The following ADGRB3 variants were observed in gnomAD, a reference collection of about 807,000 sequenced individuals.
ADGRB3 encodes the protein adhesion G protein-coupled receptor B3, also known as brain-specific angiogenesis inhibitor 3.
A neutral mutation model predicts 193.4 loss-of-function variants in ADGRB3; 37 were observed. The ratio of observed to expected loss-of-function variants is 0.19; its 90% confidence interval spans 0.15 to 0.25. The LOEUF is 0.25. ADGRB3 is among the 10% of genes least tolerant of loss of function. The probability of loss-of-function intolerance (pLI) is 1.00; values close to 1 mark genes in which losing one functional copy is unlikely to be tolerated. For missense variants in ADGRB3, 1,637 were observed against 1,852.9 expected, an observed-to-expected ratio of 0.88 and a Z score of 2.14; for synonymous variants, 690 against 644.2, an observed-to-expected ratio of 1.07 and a Z score of -1.08.
intron 3 of ADGRB3, among the ~76,000 whole-genome samples, chr6:68,919,662 A>C (rs2150241534): frequency 6.6e-6 from 1 of 152,296 alleles, no homozygotes; most frequent in Non-Finnish European, 1.5e-5. Flanking sequence ...CAGCCTTGAA[A>C]GCCAAGGAAG....
At chr6:68,696,109 C>T (rs544128411) in intron 3 of ADGRB3, among the ~76,000 whole-genome samples, 7 of 152,046 alleles carry the variant, frequency 4.6e-5, no homozygotes, top group South Asian at 4.1e-4. Context: ...TCTGAAATCC[C>T]GTTATCAATG....
chr6:68,778,223 A>G (rs1052899868), intron 3 of ADGRB3, among the ~76,000 whole-genome samples: 1 of 152,052 alleles, frequency 6.6e-6, no homozygotes, highest in Admixed American at 6.6e-5. Flanking sequence ...TCTCCAGGGA[A>G]TGGGTAAGGT....
In ADGRB3 at chr6:68,736,266, G is replaced by A. The variant is rs953610855; in HGVS notation, c.757+96834G>A. On this transcript the variant is annotated intron_variant, in intron 3 of 31. Transcript: ENST00000370598. Reference sequence around the variant, plus strand: ...ACTCCTGGGCTCAAGCTATCCACCCGGCTCAGCCTCTCCAGTGCTAGAACT... The same window carrying A: ...ACTCCTGGGCTCAAGCTATCCACCCAGCTCAGCCTCTCCAGTGCTAGAACT... Among the ~76,000 whole-genome samples, 4 of 151,988 alleles carry A rather than the reference G, an allele frequency of 2.6e-5. No homozygotes were observed. In the East Asian group the frequency reaches 5.8e-4, roughly 22 times the overall value.
chr6:68,943,733 T>C (rs1403655479), intron 5 of ADGRB3, 97 bp from the exon 6 acceptor site: 3 of 991,062 alleles, frequency 3.0e-6, no homozygotes, highest in South Asian at 3.1e-5. Flanking sequence ...TCTTTACATT[T>C]GTCTATTTAA....
chr6:68,992,874 A>G (rs187267897), intron 10 of ADGRB3, among the ~76,000 whole-genome samples: 5 of 151,846 alleles, frequency 3.3e-5, no homozygotes, highest in Admixed American at 6.6e-5. Flanking sequence ...TTCCTATTTC[A>G]CTATTTCTCT....
intron 17 of ADGRB3, among the ~76,000 whole-genome samples, chr6:69,131,580 G>A (rs1450885178): frequency 2.0e-5 from 3 of 151,792 alleles, no homozygotes. Flanking sequence ...TATAAAATGA[G>A]CTATTTATTT....
At chr6:68,671,125 C>G (rs551440286) in intron 3 of ADGRB3, among the ~76,000 whole-genome samples, 1 of 152,008 alleles carries the variant, frequency 6.6e-6, no homozygotes, top group South Asian at 2.1e-4. Flanking sequence ...TGCATCTTTA[C>G]TGAATTTTTA....
chr6:69,087,229 G>T (rs1772576749), intron 17 of ADGRB3, among the ~76,000 whole-genome samples: 1 of 152,106 alleles, frequency 6.6e-6, no homozygotes, highest in South Asian at 2.1e-4. Context: ...CGGTAGTTGA[G>T]ATTTAAAAGA....
intron 13 of ADGRB3, among the ~76,000 whole-genome samples, chr6:69,040,710 C>CAAAAA (rs1169004559): frequency 4.0e-5 from 2 of 50,624 alleles, no homozygotes; most frequent in Admixed American, 2.6e-4. Context: ...AAAAAAAAAA[C>CAAAAA]AAACAAGAAT....
At chr6:68,655,821 C>T (rs1768478542) in intron 3 of ADGRB3, among the ~76,000 whole-genome samples, 1 of 151,534 alleles carries the variant, frequency 6.6e-6, no homozygotes, top group Non-Finnish European at 1.5e-5. Flanking sequence ...ATATACCAAC[C>T]AAGAAAAGGC....
intron 17 of ADGRB3, among the ~76,000 whole-genome samples, chr6:69,094,502 T>C (rs1710376429): frequency 6.6e-6 from 1 of 152,166 alleles, no homozygotes; most frequent in Admixed American, 6.5e-5. Context: ...TATTTAGCAT[T>C]TAGATATCTG....
At chr6:69,094,128 A>G (rs187519989) in intron 17 of ADGRB3, among the ~76,000 whole-genome samples, 150 of 152,258 alleles carry the variant, frequency 9.9e-4, no homozygotes, top group African/African-American at 3.5e-3. Context: ...GGTGTCTACT[A>G]TGACCGAAAC....
intron 17 of ADGRB3, 49 bp downstream of exon 17, chr6:69,076,087 C>G (rs1473000600): frequency 1.3e-6 from 2 of 1,539,162 alleles, no homozygotes; most frequent in East Asian, 4.5e-5. Flanking sequence ...ATTTTCAAAG[C>G]ACATTAAGTT....
At chr6:68,783,307 T>TATAA (rs1554193293) in intron 3 of ADGRB3, among the ~76,000 whole-genome samples, 1 of 146,432 alleles carries the variant, frequency 6.8e-6, no homozygotes, top group African/African-American at 2.5e-5. Context: ...TATATATATA[T>TATAA]AACATACATA....
intron 17 of ADGRB3, among the ~76,000 whole-genome samples, chr6:69,220,389 A>G (rs1297867149): frequency 6.6e-6 from 1 of 152,172 alleles, no homozygotes; most frequent in South Asian, 2.1e-4. Flanking sequence ...TTGGTCAGTT[A>G]CTAAAAATTA....
intron 3 of ADGRB3, among the ~76,000 whole-genome samples, chr6:68,713,290 G>A (rs1765435193): frequency 6.6e-6 from 1 of 151,764 alleles, no homozygotes; most frequent in Non-Finnish European, 1.5e-5. Flanking sequence ...AATAATCAAA[G>A]CATCTGCCAT....
intron 20 of ADGRB3, among the ~76,000 whole-genome samples, chr6:69,252,356 T>C (rs1399054375): frequency 1.3e-5 from 2 of 152,174 alleles, no homozygotes; most frequent in Non-Finnish European, 2.9e-5. Context: ...AATAAAATTG[T>C]TTCAAAATTT....
In ADGRB3 at chr6:68,789,055, C is replaced by T. The variant is rs561469458; in HGVS notation, c.758-141504C>T. On this transcript the variant is annotated intron_variant, in intron 3 of 31. Transcript: ENST00000370598. ...TTTTGAGCCTATGTGTGTCTCTGCA[C>T]GTGAGATGGGTTTCCTGAATACAGC... is the stretch of plus-strand genomic sequence containing the variant. Among the ~76,000 whole-genome samples, 69 of 151,996 alleles carry T rather than the reference C, an allele frequency of 4.5e-4. No homozygotes were observed. In the East Asian group the frequency reaches 6.0e-3, roughly 13 times the overall value.
chr6:69,087,043 C>T (rs1158801709), intron 17 of ADGRB3, among the ~76,000 whole-genome samples: 3 of 152,072 alleles, frequency 2.0e-5, no homozygotes, highest in Non-Finnish European at 2.9e-5. Flanking sequence ...AAGTCTATAA[C>T]CTGTCAGCTT....
Sources: gnomAD v4.1 joint callset for allele counts (sites outside exome capture counted in the v4.1 genomes callset) on GRCh38, gnomAD v4.1.1 for gene constraint, MANE v1.5 for transcripts, NCBI Gene and HGNC (gene_info 2026-07-23, HGNC 2026-07-21) for gene names.